TTC23: variants seen among roughly 807,000 people sequenced by gnomAD.
TTC23 encodes tetratricopeptide repeat protein 23.
TTC23 carries 58 observed loss-of-function variants against 55.1 expected under a neutral mutation model. That is an observed-to-expected ratio of 1.05 (90% CI 0.85 to 1.31). The LOEUF (loss-of-function observed/expected upper bound fraction) is 1.31, where lower values mean the gene tolerates loss of function less well. Ranked by LOEUF, TTC23 falls within the 50% of genes most tolerant of loss-of-function variation. The pLI, the probability that TTC23 is intolerant of heterozygous loss-of-function variation, is 0.00. For missense variants in TTC23, 516 were observed against 534.4 expected (o/e 0.97, Z 0.34); for synonymous variants, 203 against 199.9 (o/e 1.02, Z -0.13).
intron 8 of TTC23, among the ~76,000 whole-genome samples, chr15:99,216,161 C>G (rs1237525604): frequency 6.6e-6 from 1 of 152,116 alleles, no homozygotes; most frequent in Non-Finnish European, 1.5e-5. Context: ...AACTCTCATA[C>G]CTGCAAACCA....
intron 3 of TTC23, among the ~76,000 whole-genome samples, chr15:99,237,194 C>A (rs954275568): frequency 6.6e-6 from 1 of 152,004 alleles, no homozygotes; most frequent in Non-Finnish European, 1.5e-5. Context: ...GTTGGCCAGG[C>A]TGGTCTCAAA....
At chr15:99,226,840 A>G (rs1233542293) in intron 5 of TTC23, among the ~76,000 whole-genome samples, 1 of 152,122 alleles carries the variant, frequency 6.6e-6, no homozygotes, top group Non-Finnish European at 1.5e-5. Flanking sequence ...TGTCCTCCTT[A>G]GCACTTATCA....
upstream of TTC23, chr15:99,249,818 G>A (rs1424761343): frequency 6.6e-6 from 1 of 152,040 alleles, no homozygotes; most frequent in East Asian, 1.9e-4. Context: ...GAGACAAAAC[G>A]TGCGAATTGA....
At chr15:99,241,116 A>C (rs1330955327) in intron 3 of TTC23, among the ~76,000 whole-genome samples, 1 of 152,164 alleles carries the variant, frequency 6.6e-6, no homozygotes, top group East Asian at 1.9e-4. Context: ...CGGGAGTTCG[A>C]GGCCAGCCTG....
At chr15:99,226,278 A>G (rs1040345411) in intron 5 of TTC23, among the ~76,000 whole-genome samples, 36 of 152,252 alleles carry the variant, frequency 2.4e-4, no homozygotes, top group African/African-American at 8.2e-4. Context: ...CCTAATTACG[A>G]TCACTGTACT....
chr15:99,183,836 G>A (rs2074405154), intron 9 of TTC23, among the ~76,000 whole-genome samples: 2 of 152,114 alleles, frequency 1.3e-5, no homozygotes, highest in South Asian at 4.1e-4. Flanking sequence ...TGTCTCCAGG[G>A]CATGCCAGAG....
rs1334438165 is a variant in TTC23 at position 99,208,632 on chromosome 15, C to G, written c.582-8536G>C. On this transcript the variant is annotated intron_variant, in intron 8 of 13. Coordinates refer to ENST00000394132, the MANE Select transcript of TTC23 (RefSeq NM_001288615.3). Reference sequence around the variant, plus strand: ...TAACACAGCCAGAAATGGAGGCTATCAAGCTAATGCAACCCACAATGAGCC... The same window carrying G: ...TAACACAGCCAGAAATGGAGGCTATGAAGCTAATGCAACCCACAATGAGCC... 2.0e-5 allele frequency among the ~76,000 whole-genome samples: 3 copies of G among 152,154 alleles called. No homozygotes were observed. The East Asian group carries it at 5.8e-4, about 29-fold the overall frequency.
Position 99,161,884 on chromosome 15 carries a change from A to C in TTC23, c.866-17T>G. The C allele has an allele frequency of 6.3e-7, 1 of 1,585,710 alleles. No homozygotes were observed. The highest frequency in any genetic ancestry group is 8.5e-7 in the Non-Finnish European group (1 of 1,171,260). ...CAGCTACATCTGAAGAAAAGCATTTATCATAACTTTGAAAACTGCTCACAG... is the reference window on the plus strand; with the variant it reads ...CAGCTACATCTGAAGAAAAGCATTTCTCATAACTTTGAAAACTGCTCACAG... On this transcript the variant is annotated splice_polypyrimidine_tract_variant and intron_variant, in intron 10 of 13. Coordinates refer to ENST00000394132, the MANE Select transcript of TTC23 (RefSeq NM_001288615.3).
chr15:99,225,346 A>G (rs2152061325), intron 5 of TTC23, among the ~76,000 whole-genome samples: 1 of 152,342 alleles, frequency 6.6e-6, no homozygotes, highest in South Asian at 2.1e-4. Context: ...GTAGGAAGGC[A>G]ATTTCAAAAC....
At chr15:99,198,432 T>C (rs28592623) in intron 9 of TTC23, among the ~76,000 whole-genome samples, 1 of 152,212 alleles carries the variant, frequency 6.6e-6, no homozygotes, top group Non-Finnish European at 1.5e-5. Flanking sequence ...CCTATATCCA[T>C]CTACTTCTCT....
Position 99,138,006 on chromosome 15 carries a change from G to A in TTC23, c.*4C>T. On this transcript the variant is annotated 3_prime_UTR_variant, in exon 14 of 14. Coordinates refer to ENST00000394132, the MANE Select transcript of TTC23 (RefSeq NM_001288615.3). ...ATGTCCTAGGCTTTTTCAGGGTGGG[G>A]GCCTCAGTCTGCTGTTGTGCCGGGC... 1 of 1,614,098 alleles carries A rather than the reference G, an allele frequency of 6.2e-7. No homozygotes were observed. The highest frequency in any genetic ancestry group is 8.5e-7 in the Non-Finnish European group (1 of 1,180,006).
At chr15:99,218,457 A>G in intron 8 of TTC23, 131 bp downstream of exon 8, 3 of 1,189,510 alleles carry the variant, frequency 2.5e-6, no homozygotes, top group Non-Finnish European at 2.4e-6. Flanking sequence ...TTCCTCTTTT[A>G]CTTTTACACA....
At position 99,247,323 on chromosome 15, in the gene TTC23, C is replaced by T. The variant is rs544402131; in HGVS notation, c.-430-1813G>A. On this transcript the variant is annotated intron_variant, in intron 1 of 13. Coordinates refer to ENST00000394132, the MANE Select transcript of TTC23 (RefSeq NM_001288615.3). ...GTAATTCCACTCGTAGATATACACC[C>T]AAGAAAACTGAAAACACACGTTCAT... 1.3e-4 allele frequency among the ~76,000 whole-genome samples: 20 copies of T among 149,896 alleles called. No homozygotes were observed. In the South Asian group the frequency reaches 4.3e-3, roughly 32 times the overall value.
At chr15:99,193,070 C>T (rs1054560807) in intron 9 of TTC23, among the ~76,000 whole-genome samples, 12 of 152,200 alleles carry the variant, frequency 7.9e-5, no homozygotes, top group Non-Finnish European at 1.8e-4. Flanking sequence ...CTGCACTTAC[C>T]TAATACCTGT....
At chr15:99,141,579 T>G (rs937537014) in intron 12 of TTC23, among the ~76,000 whole-genome samples, 9 of 152,174 alleles carry the variant, frequency 5.9e-5, no homozygotes, top group African/African-American at 2.2e-4. Flanking sequence ...AAAAATCGGA[T>G]GAATTGTGCT....
At chr15:99,180,406 G>C (rs1047696191) in intron 9 of TTC23, among the ~76,000 whole-genome samples, 5 of 151,874 alleles carry the variant, frequency 3.3e-5, no homozygotes, top group Non-Finnish European at 7.4e-5. Flanking sequence ...CCAAGGCACA[G>C]AGCAGCTGTT....
At chr15:99,181,678 C>T (rs2074130419) in intron 9 of TTC23, among the ~76,000 whole-genome samples, 1 of 152,174 alleles carries the variant, frequency 6.6e-6, no homozygotes, top group African/African-American at 2.4e-5. Flanking sequence ...TTGCCATTTC[C>T]TTCCCTCTCC....
In TTC23 at chr15:99,217,050, C is replaced by A. The variant is rs533761575; in HGVS notation, c.581+1538G>T. Among the ~76,000 whole-genome samples the A allele has an allele frequency of 2.6e-3, 402 of 152,160 alleles. 1 individual carries two copies. Among genetic ancestry groups the A allele is most frequent in the African/African-American group, 8.8e-3 (367 of 41,514 alleles). ...CATTCTATAGAGCATTATACAGGAA[C>A]CAGAAGCAATGAACTAAAATCCAGG... is the stretch of plus-strand genomic sequence containing the variant. On this transcript the variant is annotated intron_variant, in intron 8 of 13. Transcript: ENST00000394132.
At chr15:99,221,283 T>G (rs2077900359) in intron 6 of TTC23, among the ~76,000 whole-genome samples, 1 of 152,144 alleles carries the variant, frequency 6.6e-6, no homozygotes, top group Admixed American at 6.6e-5. Context: ...GTCTAAAAAT[T>G]TTTTCCCTTG....
Sources: gnomAD v4.1 joint callset for allele counts (sites outside exome capture counted in the v4.1 genomes callset) on GRCh38, gnomAD v4.1.1 for gene constraint, MANE v1.5 for transcripts, NCBI Gene and HGNC (gene_info 2026-07-23, HGNC 2026-07-21) for gene names.